TRIM2: variants seen among roughly 807,000 people sequenced by gnomAD.
TRIM2 encodes tripartite motif containing 2.
A neutral mutation model predicts 75.2 loss-of-function variants in TRIM2; 20 were observed. The observed-to-expected ratio is 0.27, with a 90% CI of 0.19 to 0.39. The LOEUF is 0.39. TRIM2 is among the 10% of genes least tolerant of loss of function. TRIM2 has a pLI of 1.00. For missense variants in TRIM2, 660 were observed against 990.8 expected (o/e 0.67, Z 4.48); for synonymous variants, 373 against 388.3 (o/e 0.96, Z 0.46).
chr4:153,223,787 A>G (rs934034681), intron 1 of TRIM2, among the ~76,000 whole-genome samples: 1 of 152,180 alleles, frequency 6.6e-6, no homozygotes, highest in Non-Finnish European at 1.5e-5. Context: ...ACCAGCTTTA[A>G]TTTATGGAAC....
At chr4:153,207,351 G>C (rs1263613279) in intron 1 of TRIM2, among the ~76,000 whole-genome samples, 3 of 152,186 alleles carry the variant, frequency 2.0e-5, no homozygotes, top group African/African-American at 7.2e-5. Context: ...AAAAACAAGG[G>C]GTTAAGAGCA....
rs113415390 is a variant in TRIM2 at position 153,303,344 on chromosome 4, G to A, written c.1510+7308G>A. 1.1e-3 allele frequency among the ~76,000 whole-genome samples: 162 copies of A among 151,646 alleles called. 1 individual carries two copies. The highest frequency in any genetic ancestry group is 1.7e-3 in the Non-Finnish European group (118 of 67,890). ...AAAAATCAGCCAGGCATGGTGGCAC[G>A]CACCTGTAATCCCAGCTACCTGGGA... On this transcript the variant is annotated intron_variant, in intron 6 of 11. Coordinates refer to ENST00000338700, the MANE Select transcript of TRIM2 (RefSeq NM_015271.5).
chr4:153,193,127 C>CTTTTT (rs141233060), intron 1 of TRIM2, among the ~76,000 whole-genome samples: 28 of 106,696 alleles, frequency 2.6e-4, no homozygotes, highest in African/African-American at 7.9e-4. Flanking sequence ...AGTGAATAAT[C>CTTTTT]TTTTTTTTTT....
At chr4:153,201,690 G>A (rs1303460149), upstream of TRIM2, among the ~76,000 whole-genome samples, 1 of 151,946 alleles carries the variant, frequency 6.6e-6, no homozygotes, top group Non-Finnish European at 1.5e-5. Flanking sequence ...GTAGGACTTT[G>A]TCTCTAAAGA....
intron 6 of TRIM2, among the ~76,000 whole-genome samples, chr4:153,301,725 A>G (rs543158028): frequency 2.9e-4 from 44 of 152,294 alleles, no homozygotes; most frequent in African/African-American, 1.0e-3. Flanking sequence ...CAGTTTTCCT[A>G]GCACCATTTA....
chr4:153,172,049 TG>T (rs1349395530), intron 1 of TRIM2, among the ~76,000 whole-genome samples: 2 of 152,130 alleles, frequency 1.3e-5, no homozygotes, highest in Admixed American at 6.6e-5. Flanking sequence ...GCAGTTAGTT[TG>T]TGGAATCAGA....
In TRIM2 at chr4:153,206,518, C is replaced by T. The variant is rs969828277; in HGVS notation, c.30+1958C>T. 2.0e-5 allele frequency among the ~76,000 whole-genome samples: 3 copies of T among 152,132 alleles called. No homozygotes were observed. The South Asian group carries it at 6.2e-4, about 32-fold the overall frequency. ...TGGCTAGGGAGGGTCTTGGAGCTTT[C>T]ATGTCCTCTCCGGGCGCCACTCTCC... On this transcript the variant is annotated intron_variant, in intron 1 of 11. Transcript: ENST00000338700.
chr4:153,263,802 G>A (rs1754199022), intron 1 of TRIM2, among the ~76,000 whole-genome samples: 1 of 152,182 alleles, frequency 6.6e-6, no homozygotes, highest in African/African-American at 2.4e-5. Context: ...GCCCTCTTCT[G>A]GCTTTATAGG....
chr4:153,258,920 A>AT (rs1560899838), intron 1 of TRIM2, among the ~76,000 whole-genome samples: 2 of 152,296 alleles, frequency 1.3e-5, no homozygotes, highest in East Asian at 3.9e-4. Context: ...AATGTTAAAT[A>AT]ATGCACGCCC....
At chr4:153,251,844 G>A (rs1750944857) in intron 1 of TRIM2, among the ~76,000 whole-genome samples, 1 of 152,048 alleles carries the variant, frequency 6.6e-6, no homozygotes, top group Admixed American at 6.5e-5. Context: ...AACTTAGCAT[G>A]GTGGTACACG....
rs1735072124 is a variant in TRIM2 at position 153,205,231 on chromosome 4, C to CG, written c.30+676dup. 4.6e-5 allele frequency among the ~76,000 whole-genome samples: 7 copies of CG among 152,218 alleles called. 1 individual carries two copies. In the South Asian group the frequency reaches 1.2e-3, roughly 27 times the overall value. On this transcript the variant is annotated intron_variant, in intron 1 of 11. Coordinates refer to ENST00000338700, the MANE Select transcript of TRIM2 (RefSeq NM_015271.5). Reference sequence around the variant, plus strand: ...CAGAGCCTGGGGACGCCATGTGAGTCGGGGGTGAAGCCTGATGTGGGCTCA... The same window carrying CG: ...CAGAGCCTGGGGACGCCATGTGAGTCGGGGGGTGAAGCCTGATGTGGGCTCA...
At chr4:153,290,247 G>T (rs1003078702) in intron 3 of TRIM2, among the ~76,000 whole-genome samples, 1 of 152,026 alleles carries the variant, frequency 6.6e-6, no homozygotes, top group African/African-American at 2.4e-5. Flanking sequence ...GAAACTTCTT[G>T]GATTAAGAAT....
At chr4:153,274,538 G>T (rs1165930490) in intron 2 of TRIM2, among the ~76,000 whole-genome samples, 1 of 152,200 alleles carries the variant, frequency 6.6e-6, no homozygotes, top group African/African-American at 2.4e-5. Flanking sequence ...AGTTAATGAG[G>T]CTCAAAGGAG....
At chr4:153,202,721 C>T (rs7664553), upstream of TRIM2, among the ~76,000 whole-genome samples, 60,263 of 144,336 alleles carry the variant, frequency 0.42, 16,867 homozygotes, top group African/African-American at 0.81. Context: ...AAAAAGAAAT[C>T]ATATAAGGAA....
At chr4:153,307,394 A>G (rs1765242216) in intron 6 of TRIM2, among the ~76,000 whole-genome samples, 1 of 152,214 alleles carries the variant, frequency 6.6e-6, no homozygotes, top group Non-Finnish European at 1.5e-5. Flanking sequence ...GTAATTTAAA[A>G]TGGATGTGTA....
intron 1 of TRIM2, among the ~76,000 whole-genome samples, chr4:153,224,479 C>A (rs548458163): frequency 6.6e-6 from 1 of 152,280 alleles, no homozygotes; most frequent in East Asian, 1.9e-4. Flanking sequence ...TTAACTCATT[C>A]TTTTCCTGGC....
chr4:153,239,834 C>CTTTT (rs372940429), intron 1 of TRIM2, among the ~76,000 whole-genome samples: 87 of 117,636 alleles, frequency 7.4e-4, no homozygotes, highest in African/African-American at 2.2e-3. Flanking sequence ...CTTTCTTTCT[C>CTTTT]TTTTTTTTTT....
chr4:153,234,966 C>T (rs1012560870), intron 1 of TRIM2, among the ~76,000 whole-genome samples: 1 of 152,162 alleles, frequency 6.6e-6, no homozygotes, highest in Non-Finnish European at 1.5e-5. Flanking sequence ...AGCACACAGA[C>T]CCCTCTGCTG....
At chr4:153,303,444 G>T (rs1163929061) in intron 6 of TRIM2, among the ~76,000 whole-genome samples, 8 of 149,700 alleles carry the variant, frequency 5.3e-5, no homozygotes. Flanking sequence ...CTGTACTCCA[G>T]CCTGGGTGAC....
Sources: allele counts gnomAD v4.1 joint callset (sites outside exome capture counted in the v4.1 genomes callset), GRCh38; gene constraint gnomAD v4.1.1; transcripts MANE v1.5; gene names NCBI Gene and HGNC (gene_info 2026-07-23, HGNC 2026-07-21).